The following TBC1D21 variants were observed in gnomAD, a reference collection of about 807,000 sequenced individuals.
TBC1D21 encodes male germ cell Rab GTPase-activating protein.
Under a neutral mutation model 46.0 loss-of-function variants are expected in TBC1D21, and 38 were observed. That is an observed-to-expected ratio of 0.83 (90% CI 0.64 to 1.08). The LOEUF is 1.08. Ranked by LOEUF, TBC1D21 falls within the 50% of genes least tolerant of loss-of-function variation. The pLI is 0.00. For synonymous variants in TBC1D21, 151 were observed against 157.2 expected (o/e 0.96, Z 0.29); for missense variants, 415 against 417.9 (o/e 0.99, Z 0.06).
chr15:73,882,521 T>C (rs774895977), intron 3 of TBC1D21, among the ~76,000 whole-genome samples: 5 of 152,122 alleles, frequency 3.3e-5, no homozygotes, highest in Non-Finnish European at 5.9e-5. Flanking sequence ...GTATACCTAC[T>C]CCAAGCAGCC....
rs766776124 is a variant in TBC1D21, at chr15:73,884,257, G to A, written c.367+12G>A. On this transcript the variant is annotated intron_variant, in intron 4 of 10. Transcript: ENST00000300504. ...TCGCAATAACATTGGTGAGCAAAGT[G>A]GGGTGGAGAGGGCTGGGCAGAGGGA... The A allele has an allele frequency of 1.2e-6, 2 of 1,612,714 alleles. No individual in the cohort carries two copies. The highest frequency in any genetic ancestry group is 1.3e-5 in the African/African-American group (1 of 74,920).
downstream of TBC1D21, among the ~76,000 whole-genome samples, chr15:73,890,595 G>T (rs1477600107): frequency 6.6e-6 from 1 of 152,222 alleles, no homozygotes; most frequent in African/African-American, 2.4e-5. Context: ...GCTAGTTTTG[G>T]CCTTGGGAAG....
At chr15:73,886,326 T>A (rs2068245675) in intron 7 of TBC1D21, 152 bp downstream of exon 7, 1 of 872,672 alleles carries the variant, frequency 1.1e-6, no homozygotes, top group Admixed American at 2.2e-5. Context: ...GTTATCTGGA[T>A]GGGGTTGGAG....
chr15:73,908,396 C>T, the TBC1D21 span: 2 of 152,318 alleles, frequency 1.3e-5, no homozygotes, highest in Non-Finnish European at 2.9e-5. Flanking sequence ...GCACGTAGCC[C>T]GCCAGTCCTG....
downstream of TBC1D21, among the ~76,000 whole-genome samples, chr15:73,892,170 GA>G (rs2068342666): frequency 6.6e-6 from 1 of 152,210 alleles, no homozygotes. Context: ...CCTGTCTGTG[GA>G]GAGGAGCTAC....
At position 73,889,122 on chromosome 15, in the gene TBC1D21, G is replaced by A; in HGVS notation, c.*21G>A. The A allele has an allele frequency of 3.1e-6, 5 of 1,611,308 alleles. No individual in the cohort carries two copies. Among genetic ancestry groups the A allele is most frequent in the African/African-American group, 1.3e-5 (1 of 75,050 alleles). On this transcript the variant is annotated 3_prime_UTR_variant, in exon 11 of 11. Coordinates refer to ENST00000300504, the MANE Select transcript of TBC1D21 (RefSeq NM_153356.3). Reference sequence around the variant, plus strand: ...TCTGAGGACACCAAAGCCCGCAGTGGACTGATGCCTTCGATGGGCAGGATG... The same window carrying A: ...TCTGAGGACACCAAAGCCCGCAGTGAACTGATGCCTTCGATGGGCAGGATG...
At chr15:73,876,225 T>TTTTTTTTTTTTTTTTTTG (rs2068063671) in intron 1 of TBC1D21, among the ~76,000 whole-genome samples, 1 of 59,008 alleles carries the variant, frequency 1.7e-5, no homozygotes. Context: ...TTTTTTTTTT[T>TTTTTTTTTTTTTTTTTTG]TTTTTTTTTT....
At chr15:73,907,599 G>C in the TBC1D21 span, among the ~76,000 whole-genome samples, 3 of 152,184 alleles carry the variant, frequency 2.0e-5, no homozygotes, top group Non-Finnish European at 4.4e-5. Context: ...CTTGCAAGCT[G>C]AATAAGAACT....
the TBC1D21 span, among the ~76,000 whole-genome samples, chr15:73,898,902 TAC>T: frequency 0.067 from 7,530 of 112,280 alleles, 461 homozygotes; most frequent in East Asian, 0.17. Flanking sequence ...TATATATATA[TAC>T]ACACACACTC....
intron 7 of TBC1D21, 63 bp downstream of exon 7, chr15:73,886,237 C>CCAA: frequency 7.0e-7 from 1 of 1,432,338 alleles, no homozygotes. Context: ...GGGCTGGGAC[C>CCAA]CAACTGTCAG....
chr15:73,903,872 C>A, the TBC1D21 span, among the ~76,000 whole-genome samples: 2 of 152,092 alleles, frequency 1.3e-5, no homozygotes, highest in African/African-American at 4.8e-5. Flanking sequence ...CATGGTGAAA[C>A]CCCTTCTCTA....
At chr15:73,890,375 A>G (rs113707361), downstream of TBC1D21, among the ~76,000 whole-genome samples, 1,780 of 152,326 alleles carry the variant, frequency 0.012, 39 homozygotes, top group African/African-American at 0.04. Context: ...CCCCCCAGCA[A>G]CACCTTCTCT....
intron 6 of TBC1D21, among the ~76,000 whole-genome samples, chr15:73,885,815 TACACAC>T (rs3057447): frequency 0.018 from 2,723 of 147,810 alleles, 50 homozygotes; most frequent in Middle Eastern, 0.056. Context: ...TACACACACA[TACACAC>T]ACACACACAC....
chr15:73,908,252 A>G, the TBC1D21 span: 1 of 152,300 alleles, frequency 6.6e-6, no homozygotes, highest in Admixed American at 6.5e-5. Context: ...CACACACAGG[A>G]ACACATGAAG....
intron 8 of TBC1D21, among the ~76,000 whole-genome samples, 160 bp from the exon 9 acceptor site, chr15:73,887,460 A>ATGAG (rs1301723345): frequency 2.6e-5 from 4 of 152,066 alleles, no homozygotes; most frequent in Admixed American, 6.6e-5. Flanking sequence ...GAGTGAGTGG[A>ATGAG]TGAGTGAGTG....
At chr15:73,874,149 T>A (rs566098282) in intron 1 of TBC1D21, among the ~76,000 whole-genome samples, 33 of 152,348 alleles carry the variant, frequency 2.2e-4, no homozygotes, top group Admixed American at 1.0e-3. Context: ...GTTTACAAGA[T>A]ACAGCTATTT....
chr15:73,905,281 T>A, the TBC1D21 span, among the ~76,000 whole-genome samples: 19 of 152,370 alleles, frequency 1.2e-4, no homozygotes, highest in African/African-American at 4.3e-4. Flanking sequence ...ATTACTCACA[T>A]GACACGCAAC....
Position 73,884,997 on chromosome 15 carries a change from C to T in TBC1D21, c.479-6C>T. 1 of 1,613,242 alleles carries T rather than the reference C, an allele frequency of 6.2e-7. No homozygotes were observed. On this transcript the variant is annotated splice_region_variant and splice_polypyrimidine_tract_variant and intron_variant, in intron 5 of 10. Transcript: ENST00000300504. The stretch of plus-strand genomic sequence containing the variant: ...CCCCTCCTCCCCAACCCCCTCTTCG[C>T]CACAGAGTACCAGCAGGGCTTCCAT...
At chr15:73,875,844 G>A (rs1229438683) in intron 1 of TBC1D21, among the ~76,000 whole-genome samples, 1 of 152,200 alleles carries the variant, frequency 6.6e-6, no homozygotes, top group Non-Finnish European at 1.5e-5. Flanking sequence ...GGAAAAGGGT[G>A]TTATTAGGTT....
Sources: gnomAD v4.1 joint callset for allele counts (sites outside exome capture counted in the v4.1 genomes callset) on GRCh38, gnomAD v4.1.1 for gene constraint, MANE v1.5 for transcripts, NCBI Gene and HGNC (gene_info 2026-07-23, HGNC 2026-07-21) for gene names.